Variants in CELF4 observed in about 807,000 individuals in gnomAD.
CELF4 encodes the protein CUG-BP- and ETR-3-like factor 4.
Under a neutral mutation model 59.9 loss-of-function variants are expected in CELF4, and 18 were observed. The ratio of observed to expected loss-of-function variants is 0.30; its 90% CI spans 0.21 to 0.45. The LOEUF (loss-of-function observed/expected upper bound fraction) is 0.45. Among genes scored for constraint, CELF4 ranks in the 20% least tolerant of loss-of-function variants. CELF4 has a pLI of 1.00. For missense variants in CELF4, 456 were observed against 689.0 expected (o/e 0.66, Z 3.79); for synonymous variants, 261 against 267.1 (o/e 0.98, Z 0.22).
chr18:37,298,526 C>T (rs1476411771), intron 3 of CELF4, among the ~76,000 whole-genome samples: 2 of 152,008 alleles, frequency 1.3e-5, no homozygotes, highest in African/African-American at 4.8e-5. Context: ...TTGAGACCAG[C>T]CTGGGCAACA....
intron 2 of CELF4, among the ~76,000 whole-genome samples, chr18:37,414,891 C>T (rs1261877864): frequency 2.6e-5 from 4 of 152,178 alleles, no homozygotes; most frequent in Non-Finnish European, 2.9e-5. Context: ...GATCCACCCA[C>T]CTACTCATCT....
intron 2 of CELF4, among the ~76,000 whole-genome samples, chr18:37,465,302 A>G (rs1392701741): frequency 6.6e-6 from 1 of 152,210 alleles, no homozygotes; most frequent in Non-Finnish European, 1.5e-5. Flanking sequence ...AAATAAACAG[A>G]ATATCCAATC....
intron 2 of CELF4, among the ~76,000 whole-genome samples, chr18:37,342,147 G>A (rs2098072267): frequency 6.6e-6 from 1 of 151,910 alleles, no homozygotes; most frequent in Admixed American, 6.6e-5. Context: ...GTCTCTTAGA[G>A]CCATCCCTGG....
At chr18:37,356,338 T>C (rs1263794695) in intron 2 of CELF4, among the ~76,000 whole-genome samples, 1 of 152,176 alleles carries the variant, frequency 6.6e-6, no homozygotes. Context: ...TTACAGTAAT[T>C]GAAGGGAGAG....
At chr18:37,315,435 G>C (rs2096834149) in intron 3 of CELF4, among the ~76,000 whole-genome samples, 1 of 152,092 alleles carries the variant, frequency 6.6e-6, no homozygotes, top group Non-Finnish European at 1.5e-5. Context: ...CACCTTGCTG[G>C]CTTTTCTGTC....
intron 2 of CELF4, among the ~76,000 whole-genome samples, chr18:37,404,477 T>G (rs1356051471): frequency 6.6e-6 from 1 of 152,202 alleles, no homozygotes; most frequent in Non-Finnish European, 1.5e-5. Flanking sequence ...GGCAGGGAAC[T>G]TGGAAAACAG....
chr18:37,556,766 A>G (rs2099984936), intron 1 of CELF4, among the ~76,000 whole-genome samples: 1 of 152,188 alleles, frequency 6.6e-6, no homozygotes, highest in Non-Finnish European at 1.5e-5. Flanking sequence ...CCTCAGACAT[A>G]GTGTATGAAT....
chr18:37,375,727 G>A (rs917905304), intron 2 of CELF4, among the ~76,000 whole-genome samples: 1 of 152,154 alleles, frequency 6.6e-6, no homozygotes, highest in Admixed American at 6.5e-5. Flanking sequence ...TGGCCTCTGG[G>A]AGCTCGAGGC....
intron 2 of CELF4, among the ~76,000 whole-genome samples, chr18:37,466,311 T>C (rs1478368576): frequency 4.7e-5 from 7 of 149,600 alleles, no homozygotes; most frequent in Non-Finnish European, 8.8e-5. Flanking sequence ...TTGGGAGAAG[T>C]GAGGGGCTGA....
intron 2 of CELF4, among the ~76,000 whole-genome samples, chr18:37,436,493 C>T (rs916801273): frequency 2.0e-5 from 3 of 152,228 alleles, no homozygotes; most frequent in African/African-American, 4.8e-5. Flanking sequence ...TAGGGTCACA[C>T]AGCAAGAAGC....
At chr18:37,466,031 G>A (rs1410471945) in intron 2 of CELF4, among the ~76,000 whole-genome samples, 6 of 152,302 alleles carry the variant, frequency 3.9e-5, no homozygotes, top group Admixed American at 2.6e-4. Flanking sequence ...ACATTTAACC[G>A]GGTTCCTTCT....
intron 2 of CELF4, among the ~76,000 whole-genome samples, chr18:37,436,269 G>A (rs999655096): frequency 6.6e-6 from 1 of 152,120 alleles, no homozygotes; most frequent in African/African-American, 2.4e-5. Flanking sequence ...CCACGAACTC[G>A]GGAGCAGTTC....
chr18:37,295,342 AGATT>A (rs1239948941), intron 3 of CELF4, among the ~76,000 whole-genome samples: 1 of 152,238 alleles, frequency 6.6e-6, no homozygotes, highest in East Asian at 1.9e-4. Context: ...TCTTGAATCC[AGATT>A]GGGATGGTGT....
Position 37,270,931 on chromosome 18 carries a change from T to TACAGAAGGGTGGAGGA in CELF4, c.950-30_950-15dup. The stretch of plus-strand genomic sequence containing the variant: ...GGGTGCTGCCACCTGGTTCCAGGCA[T>TACAGAAGGGTGGAGGA]ACAGAAGGGTGGAGGAGGAGGGGAG... On this transcript the variant is annotated splice_polypyrimidine_tract_variant and intron_variant, in intron 7 of 12. Coordinates refer to ENST00000420428, the MANE Select transcript of CELF4 (RefSeq NM_020180.4). The TACAGAAGGGTGGAGGA allele has an allele frequency of 6.3e-7, 1 of 1,591,664 alleles. No homozygotes were observed. The highest frequency in any genetic ancestry group is 8.6e-7 in the Non-Finnish European group (1 of 1,168,160).
At chr18:37,462,225 A>G (rs781163763) in intron 2 of CELF4, among the ~76,000 whole-genome samples, 8 of 152,108 alleles carry the variant, frequency 5.3e-5, no homozygotes, top group Non-Finnish European at 1.0e-4. Flanking sequence ...CCTCTCTGGC[A>G]TTGCCTGGAG....
intron 3 of CELF4, among the ~76,000 whole-genome samples, chr18:37,307,505 G>A (rs557567571): frequency 9.2e-5 from 14 of 152,110 alleles, no homozygotes; most frequent in East Asian, 1.9e-4. Context: ...CCACCACAGC[G>A]GCCCTGCTAA....
chr18:37,550,169 A>G (rs1230156283), intron 1 of CELF4, among the ~76,000 whole-genome samples: 1 of 151,746 alleles, frequency 6.6e-6, no homozygotes, highest in Admixed American at 6.6e-5. Context: ...TCTCAGGAGG[A>G]GCTGGAAGAG....
chr18:37,337,803 C>G (rs149120437), intron 2 of CELF4, among the ~76,000 whole-genome samples: 1 of 152,336 alleles, frequency 6.6e-6, no homozygotes, highest in Non-Finnish European at 1.5e-5. Context: ...CCTCTATGCT[C>G]TCCCAGGCCA....
At chr18:37,313,680 C>T (rs1159278734) in intron 3 of CELF4, among the ~76,000 whole-genome samples, 2 of 152,156 alleles carry the variant, frequency 1.3e-5, no homozygotes, top group African/African-American at 2.4e-5. Flanking sequence ...CCCTTGCAGA[C>T]AACACATTGT....
Sources: gnomAD v4.1 joint callset for allele counts (sites outside exome capture counted in the v4.1 genomes callset) on GRCh38, gnomAD v4.1.1 for gene constraint, MANE v1.5 for transcripts, NCBI Gene and HGNC (gene_info 2026-07-23, HGNC 2026-07-21) for gene names.